Variants in BCAS3 observed in about 807,000 individuals in gnomAD.
BCAS3 encodes the protein BCAS3 microtubule associated cell migration factor, also known as BCAS4/BCAS3 fusion.
In BCAS3, 53 loss-of-function variants were observed where a neutral mutation model predicts 116.1. That is an observed-to-expected ratio of 0.46 (90% CI 0.37 to 0.57). BCAS3 has a LOEUF of 0.57. Ranked by LOEUF, BCAS3 falls within the 20% of genes least tolerant of loss-of-function variation. BCAS3 has a pLI of 0.00. For synonymous variants in BCAS3, 391 were observed against 408.2 expected, an observed-to-expected ratio of 0.96 and a Z score of 0.51; for missense variants, 917 against 1,165.4, an observed-to-expected ratio of 0.79 and a Z score of 3.10.
At chr17:60,727,450 G>T (rs966109700) in intron 5 of BCAS3, 33 of 1,573,384 alleles carry the variant, frequency 2.1e-5, no homozygotes, top group Non-Finnish European at 2.8e-5. Flanking sequence ...ACTTCTTACA[G>T]AAGGTTCTTC....
At chr17:60,837,422 C>G (rs527353665) in intron 7 of BCAS3, among the ~76,000 whole-genome samples, 1 of 151,984 alleles carries the variant, frequency 6.6e-6, no homozygotes, top group Non-Finnish European at 1.5e-5. Flanking sequence ...CTAAGAGAAA[C>G]AGGAGACACA....
intron 22 of BCAS3, among the ~76,000 whole-genome samples, chr17:61,311,413 A>C (rs1482991481): frequency 6.6e-6 from 1 of 152,190 alleles, no homozygotes; most frequent in Non-Finnish European, 1.5e-5. Flanking sequence ...ATGGAGTTAC[A>C]TCCTTCACAG....
chr17:61,310,420 A>G (rs572226133), intron 22 of BCAS3, among the ~76,000 whole-genome samples: 2 of 152,034 alleles, frequency 1.3e-5, no homozygotes, highest in Non-Finnish European at 2.9e-5. Flanking sequence ...CAGGTGTGGT[A>G]GTGCATGCCT....
At chr17:61,331,066 G>A (rs1035499962) in intron 22 of BCAS3, among the ~76,000 whole-genome samples, 8 of 152,166 alleles carry the variant, frequency 5.3e-5, no homozygotes, top group Non-Finnish European at 1.0e-4. Flanking sequence ...TTTCCGTAGG[G>A]GTGAGAAAAG....
chr17:60,782,625 C>T (rs189430883), intron 6 of BCAS3, among the ~76,000 whole-genome samples: 4 of 150,570 alleles, frequency 2.7e-5, no homozygotes, highest in East Asian at 2.0e-4. Context: ...CTTGCTCTGT[C>T]GCCAGACTGG....
intron 6 of BCAS3, among the ~76,000 whole-genome samples, chr17:60,775,787 G>C (rs1276754156): frequency 6.6e-6 from 1 of 152,152 alleles, no homozygotes; most frequent in African/African-American, 2.4e-5. Flanking sequence ...AGTAGGGTTT[G>C]GGATGTATGA....
At chr17:61,301,640 A>C (rs1379202130) in intron 22 of BCAS3, among the ~76,000 whole-genome samples, 1 of 152,172 alleles carries the variant, frequency 6.6e-6, no homozygotes, top group East Asian at 1.9e-4. Flanking sequence ...CAAAAAAACA[A>C]AACAAAAGAC....
chr17:60,992,544 G>A (rs1241140409), intron 15 of BCAS3, among the ~76,000 whole-genome samples: 3 of 152,052 alleles, frequency 2.0e-5, no homozygotes, highest in Non-Finnish European at 2.9e-5. Flanking sequence ...ACAGTGGGAG[G>A]GGGTGAGGGT....
In BCAS3 at chr17:61,074,949, A is replaced by G; in HGVS notation, c.2059A>G (p.Thr687Ala). ...TCCCCCTGGAAGTCCTGGGCCCATT[A>G]CTCGACATGGGTCTTACGACAGTTT... ...LVPPGSPGPI[T>A]RHGSYDSLAS... is the part of the protein sequence containing the mutation. Residue 687 changes from threonine to alanine, a missense_variant, in exon 20 of 24, where the codon ACT becomes GCT. By Grantham distance (58) the Thr-to-Ala change is moderately conservative. This residue lies in a region of BCAS3 where 807 missense variants were observed against 1,026.0 expected (regional missense o/e 0.79). Coordinates refer to ENST00000407086, the MANE Select transcript of BCAS3 (RefSeq NM_017679.5). 6.2e-7 allele frequency: 1 copy of G among 1,613,494 alleles called. No individual in the cohort carries two copies. Among genetic ancestry groups the G allele is most frequent in the African/African-American group, 1.3e-5 (1 of 75,038 alleles).
chr17:60,748,538 A>G (rs1015947916), intron 6 of BCAS3, among the ~76,000 whole-genome samples: 4 of 152,206 alleles, frequency 2.6e-5, no homozygotes, highest in Non-Finnish European at 5.9e-5. Flanking sequence ...GGGTTTTGGA[A>G]TAGCCAGCTT....
In BCAS3 at chr17:60,990,246, CTG is replaced by C; in HGVS notation, c.1486+13_1486+14del. ...GGTCACCCTTGCATGGTAATTTTCT[CTG>C]TCTCCACTGTTATCTTGAATCTTCC... On this transcript the variant is annotated intron_variant, in intron 15 of 23. Coordinates refer to ENST00000407086, the MANE Select transcript of BCAS3 (RefSeq NM_017679.5). This position sits in a 1 kb window ranked among gnomAD's most constrained non-coding sequence, Gnocchi z 5.1. The C allele has an allele frequency of 6.2e-7, 1 of 1,609,992 alleles. No individual in the cohort carries two copies. Among genetic ancestry groups the C allele is most frequent in the Non-Finnish European group, 8.5e-7 (1 of 1,176,788 alleles).
chr17:60,830,084 T>C (rs1008461934), intron 7 of BCAS3, among the ~76,000 whole-genome samples: 1 of 152,150 alleles, frequency 6.6e-6, no homozygotes, highest in African/African-American at 2.4e-5. Context: ...CTCTGCCTCC[T>C]GGGTTCAAGC....
At chr17:60,869,392 TATAA>T (rs1396102222) in intron 8 of BCAS3, among the ~76,000 whole-genome samples, 1 of 152,204 alleles carries the variant, frequency 6.6e-6, no homozygotes, top group African/African-American at 2.4e-5. Context: ...ACATGCCTCG[TATAA>T]ATCTTCCATG....
intron 6 of BCAS3, among the ~76,000 whole-genome samples, chr17:60,785,195 G>C (rs1282924972): frequency 6.6e-6 from 1 of 152,010 alleles, no homozygotes; most frequent in Admixed American, 6.6e-5. Context: ...GAGTCTCATT[G>C]TCACCCAGGC....
intron 22 of BCAS3, among the ~76,000 whole-genome samples, chr17:61,268,334 C>T (rs919819844): frequency 7.2e-5 from 11 of 152,142 alleles, no homozygotes; most frequent in Non-Finnish European, 1.6e-4. Context: ...TTTTGAATCA[C>T]TACCACCGAC....
In BCAS3 at chr17:61,195,668, C is replaced by T. The variant is rs1029568452; in HGVS notation, c.2425+111104C>T. On this transcript the variant is annotated intron_variant, in intron 22 of 23. Coordinates refer to ENST00000407086, the MANE Select transcript of BCAS3 (RefSeq NM_017679.5). ...CTGGGATTACAAAGGTGTGAGCCAC[C>T]GCACCCGGCCCCCCTCGTTTTTTAA... Among the ~76,000 whole-genome samples, 132 of 151,948 alleles carry T rather than the reference C, an allele frequency of 8.7e-4. 1 individual carries two copies. The highest frequency in any genetic ancestry group is 1.5e-4 in the Non-Finnish European group (10 of 67,992).
chr17:61,201,533 G>A (rs1386922371), intron 22 of BCAS3, among the ~76,000 whole-genome samples: 1 of 152,168 alleles, frequency 6.6e-6, no homozygotes, highest in East Asian at 1.9e-4. Flanking sequence ...CTTCTTTGAG[G>A]CTGAAAGAGT....
At position 61,313,412 on chromosome 17, in the gene BCAS3, T is replaced by C. The variant is rs185400423; in HGVS notation, c.2426-54915T>C. On this transcript the variant is annotated intron_variant, in intron 22 of 23. Coordinates refer to ENST00000407086, the MANE Select transcript of BCAS3 (RefSeq NM_017679.5). The surrounding 1 kb of genome is among the most constrained non-coding windows in gnomAD (Gnocchi z 4.3). ...TCTGGAATATTAGTTTTCAACCACA[T>C]TTCAGACACAGAAAGTGGAGCCTAA... Among the ~76,000 whole-genome samples the C allele has an allele frequency of 4.9e-4, 75 of 152,338 alleles. 1 individual carries two copies. The highest frequency in any genetic ancestry group is 1.8e-3 in the Admixed American group (28 of 15,302).
rs917776048 is a variant in BCAS3, at chr17:61,276,769, A to G, written c.2426-91558A>G. The stretch of plus-strand genomic sequence containing the variant: ...AGCCGAAATAATCTTGAAAAAGAAC[A>G]AAGTTGAAGGCCTCGACTTTTCAAT... On this transcript the variant is annotated intron_variant, in intron 22 of 23. Transcript: ENST00000407086. This position sits in a 1 kb window ranked among gnomAD's most constrained non-coding sequence, Gnocchi z 4.2. 1.3e-5 allele frequency among the ~76,000 whole-genome samples: 2 copies of G among 152,242 alleles called. No individual in the cohort carries two copies. The highest frequency in any genetic ancestry group is 2.9e-5 in the Non-Finnish European group (2 of 68,042).
Sources: allele counts gnomAD v4.1 joint callset (sites outside exome capture counted in the v4.1 genomes callset), GRCh38; gene constraint gnomAD v4.1.1; regional missense constraint gnomAD v4.1.1; non-coding constraint Gnocchi (gnomAD v3.1); transcripts MANE v1.5; gene names NCBI Gene and HGNC (gene_info 2026-07-23, HGNC 2026-07-21).